FRY: variants seen among roughly 807,000 people sequenced by gnomAD.
The protein encoded by FRY is FRY microtubule binding protein.
FRY carries 128 observed loss-of-function variants against 348.4 expected under a neutral mutation model. The observed-to-expected ratio is 0.37, with a 90% confidence interval of 0.32 to 0.43. FRY has a LOEUF of 0.43. Ranked by LOEUF, FRY falls within the 20% of genes least tolerant of loss-of-function variation. The pLI is 1.00. For missense variants in FRY, 2,736 were observed against 3,695.2 expected, an observed-to-expected ratio of 0.74 and a Z score of 6.73; for synonymous variants, 1,370 against 1,374.7, an observed-to-expected ratio of 1.00 and a Z score of 0.08.
At chr13:32,063,118 C>A (rs1874043601) in intron 1 of FRY, among the ~76,000 whole-genome samples, 1 of 152,122 alleles carries the variant, frequency 6.6e-6, no homozygotes, top group Non-Finnish European at 1.5e-5. Context: ...CCCAAGGGGA[C>A]CCTGGCGGGG....
intron 28 of FRY, among the ~76,000 whole-genome samples, chr13:32,189,968 G>A (rs1883241249): frequency 6.6e-6 from 1 of 151,820 alleles, no homozygotes. Flanking sequence ...GTCAAATTGG[G>A]TTTATTGAAG....
At chr13:32,071,161 G>A (rs577266874) in intron 1 of FRY, among the ~76,000 whole-genome samples, 2 of 152,210 alleles carry the variant, frequency 1.3e-5, no homozygotes, top group African/African-American at 2.4e-5. Context: ...CTCCAGCTTT[G>A]TTCTTTTTGC....
chr13:32,202,553 ATATGTGATCATTTCTAATAATGACG>A (rs1389472872), intron 31 of FRY, 26 bp downstream of exon 31: 11 of 1,530,076 alleles, frequency 7.2e-6, no homozygotes, highest in East Asian at 2.2e-5. Context: ...CAATAATGAC[ATATGTGATCATTTCTAATAATGACG>A]TATGTGATCA....
chr13:32,045,703 A>G (rs995503087), intron 1 of FRY, among the ~76,000 whole-genome samples: 13 of 152,218 alleles, frequency 8.5e-5, no homozygotes, highest in African/African-American at 3.1e-4. Context: ...GTAGCCTATA[A>G]TCTAAATACC....
In FRY at chr13:32,145,527, T is replaced by G. The variant is rs1221378027; in HGVS notation, c.1180-1755T>G. 1.4e-4 allele frequency among the ~76,000 whole-genome samples: 10 copies of G among 70,606 alleles called. 1 individual carries two copies. The South Asian group carries it at 3.2e-3, about 22-fold the overall frequency. 46.3% of individuals were successfully genotyped at this position (70,606 alleles called of 152,430 possible). A position where few individuals can be genotyped will look rare whatever the true frequency, so the allele number is the denominator to read the frequency against. ...CACACTCCCCTCTCTGACTGATTTG[T>G]TTTTTTTTTTTTTTTTTTTTTTTTT... On this transcript the variant is annotated intron_variant, in intron 11 of 60. Transcript: ENST00000542859.
At chr13:32,270,480 T>C (rs1888148561) in intron 55 of FRY, among the ~76,000 whole-genome samples, 1 of 152,272 alleles carries the variant, frequency 6.6e-6, no homozygotes, top group African/African-American at 2.4e-5. Flanking sequence ...GTGCTGGGAT[T>C]ACAGGCATGC....
At chr13:32,205,225 G>A (rs575049682) in intron 31 of FRY, among the ~76,000 whole-genome samples, 8 of 129,584 alleles carry the variant, frequency 6.2e-5, no homozygotes, top group South Asian at 4.6e-4. Context: ...AAAAAAAAAG[G>A]TGTGCGATCA....
rs1350721712 is a variant in FRY at position 32,198,176 on chromosome 13, C to T, written c.3747-3765C>T. Among the ~76,000 whole-genome samples, 3 of 152,266 alleles carry T rather than the reference C, an allele frequency of 2.0e-5. No homozygotes were observed. The East Asian group carries it at 5.8e-4, about 29-fold the overall frequency. ...TCATTCTTCAACAACAAAATAAATG[C>T]TCTGATTACAAGGTCAAGTGCATGG... is the stretch of plus-strand genomic sequence containing the variant. On this transcript the variant is annotated intron_variant, in intron 29 of 60. Coordinates refer to ENST00000542859, the MANE Select transcript of FRY (RefSeq NM_023037.3).
chr13:32,239,546 G>A lies in FRY; in HGVS notation c.6517-165G>A, dbSNP rs920993145. ...GCTTTCATTCTTGAGAATGCAGGTGGGAAGAATTTGTGAAAATTATATTAG... is the reference window on the plus strand; with the variant it reads ...GCTTTCATTCTTGAGAATGCAGGTGAGAAGAATTTGTGAAAATTATATTAG... On this transcript the variant is annotated intron_variant, in intron 45 of 60. Transcript: ENST00000542859. The surrounding 1 kb of genome is among the most constrained non-coding windows in gnomAD (Gnocchi z 4.3). Among the ~76,000 whole-genome samples the A allele has an allele frequency of 6.6e-6, 1 of 152,178 alleles. No homozygotes were observed. Among genetic ancestry groups the A allele is most frequent in the Non-Finnish European group, 1.5e-5 (1 of 68,030 alleles).
chr13:32,101,898 C>T (rs914149597), intron 2 of FRY, 65 bp from the exon 3 acceptor site: 17 of 927,388 alleles, frequency 1.8e-5, no homozygotes, highest in Admixed American at 1.6e-4. Flanking sequence ...ACAATAATGG[C>T]ATTTCTTTTA....
At chr13:32,266,978 AAAAC>A (rs895295284) in intron 54 of FRY, among the ~76,000 whole-genome samples, 188 bp from the exon 55 acceptor site, 1 of 152,184 alleles carries the variant, frequency 6.6e-6, no homozygotes, top group African/African-American at 2.4e-5. Context: ...AGCGAGACTC[AAAAC>A]AAACAAACAG....
chr13:32,263,553 A>G (rs1293683271), intron 53 of FRY, among the ~76,000 whole-genome samples: 1 of 152,242 alleles, frequency 6.6e-6, no homozygotes, highest in Non-Finnish European at 1.5e-5. Context: ...CAAAAAGCCC[A>G]GAAAGAAAAG....
intron 58 of FRY, among the ~76,000 whole-genome samples, chr13:32,283,501 C>A (rs989911818): frequency 1.3e-5 from 2 of 152,192 alleles, no homozygotes; most frequent in African/African-American, 4.8e-5. Context: ...GAGTATTATT[C>A]TTTGCATATG....
intron 17 of FRY, among the ~76,000 whole-genome samples, chr13:32,165,508 C>T (rs1461701430): frequency 7.1e-6 from 1 of 140,090 alleles, no homozygotes; most frequent in Non-Finnish European, 1.5e-5. Flanking sequence ...GGTGAACTAC[C>T]CTGGTGGTGA....
intron 58 of FRY, among the ~76,000 whole-genome samples, chr13:32,286,037 A>G (rs925844391): frequency 6.6e-6 from 1 of 152,224 alleles, no homozygotes; most frequent in Non-Finnish European, 1.5e-5. Flanking sequence ...ATAATATAAT[A>G]TGCATCAATG....
chr13:32,239,631 A>G lies in FRY; in HGVS notation c.6517-80A>G. 1.0e-6 allele frequency: 1 copy of G among 990,908 alleles called. No individual in the cohort carries two copies. Among genetic ancestry groups the G allele is most frequent in the South Asian group, 1.3e-5 (1 of 75,486 alleles). 61.4% of individuals were successfully genotyped at this position (990,908 alleles called of 1,614,324 possible). On this transcript the variant is annotated intron_variant, in intron 45 of 60. Transcript: ENST00000542859. The surrounding 1 kb of genome is among the most constrained non-coding windows in gnomAD (Gnocchi z 4.3). ...GTATCAATCTACTTTCCAGATGGCCAGAGCTTATAGTAAAATTGCTAACAT... is the reference window on the plus strand; with the variant it reads ...GTATCAATCTACTTTCCAGATGGCCGGAGCTTATAGTAAAATTGCTAACAT...
chr13:32,208,817 G>A (rs914664389), intron 31 of FRY, 36 bp from the exon 32 acceptor site: 1 of 1,613,056 alleles, frequency 6.2e-7, no homozygotes, highest in Non-Finnish European at 8.5e-7. Flanking sequence ...GTGGAATAAG[G>A]TATGGATGAC....
chr13:32,105,547 A>G (rs1204898127), intron 3 of FRY, among the ~76,000 whole-genome samples: 1 of 152,216 alleles, frequency 6.6e-6, no homozygotes, highest in Non-Finnish European at 1.5e-5. Context: ...GGCATTAAAC[A>G]TTCAAATTAT....
At chr13:32,175,517 T>C (rs1459189745) in intron 19 of FRY, 29 bp from the exon 20 acceptor site, 3 of 1,389,448 alleles carry the variant, frequency 2.2e-6, no homozygotes, top group Non-Finnish European at 3.1e-6. Context: ...CATTTTCCCA[T>C]AGAGAGTAAT....
Sources: gnomAD v4.1 joint callset for allele counts (sites outside exome capture counted in the v4.1 genomes callset) on GRCh38, gnomAD v4.1.1 for gene constraint, Gnocchi (gnomAD v3.1) non-coding constraint, MANE v1.5 for transcripts, NCBI Gene and HGNC (gene_info 2026-07-23, HGNC 2026-07-21) for gene names.